The following ZC3H13 variants were observed in gnomAD, a reference collection of about 807,000 sequenced individuals.
ZC3H13 encodes the protein zinc finger CCCH domain-containing protein 13.
Under a neutral mutation model 204.1 loss-of-function variants are expected in ZC3H13, and 64 were observed. That is an observed-to-expected ratio of 0.31 (90% CI 0.26 to 0.39). ZC3H13 has a LOEUF of 0.39. Ranked by LOEUF, ZC3H13 falls within the 10% of genes least tolerant of loss-of-function variation. ZC3H13 has a pLI of 1.00. For synonymous variants in ZC3H13, 667 were observed against 693.7 expected, an observed-to-expected ratio of 0.96 and a Z score of 0.60; for missense variants, 1,833 against 2,082.7, an observed-to-expected ratio of 0.88 and a Z score of 2.33.
At chr13:45,963,295 G>A (rs1951823801) in intron 17 of ZC3H13, 1 of 986,680 alleles carries the variant, frequency 1.0e-6, no homozygotes, top group African/African-American at 1.7e-5. Context: ...TAGATGTCTA[G>A]GGGAAAGGGC....
At chr13:45,958,940 C>T (rs1247026088) in intron 18 of ZC3H13, among the ~76,000 whole-genome samples, 1 of 152,090 alleles carries the variant, frequency 6.6e-6, no homozygotes, top group Non-Finnish European at 1.5e-5. Context: ...AGGCATGAGC[C>T]ACCACGCCCG....
chr13:45,962,664 ATAGAG>A (rs1951774266), intron 17 of ZC3H13: 4 of 980,022 alleles, frequency 4.1e-6, no homozygotes, highest in Admixed American at 6.1e-5. Context: ...GCTTATGCTA[ATAGAG>A]TAAAGGAAGG....
rs144557594 is a variant in ZC3H13, at chr13:46,033,862, C to T, written c.339+8302G>A. Among the ~76,000 whole-genome samples the T allele has an allele frequency of 4.1e-4, 62 of 150,080 alleles. 1 individual carries two copies. Among genetic ancestry groups the T allele is most frequent in the East Asian group, 3.7e-3 (19 of 5,124 alleles). On this transcript the variant is annotated intron_variant, in intron 4 of 18. Coordinates refer to ENST00000679008, the MANE Select transcript of ZC3H13 (RefSeq NM_001330564.2). The stretch of plus-strand genomic sequence containing the variant: ...AGTTGAAAGACATTTTGAAAGACAC[C>T]ACAAAAAAAAATAAAAAGGCAGGCT...
chr13:45,975,526 T>C lies in ZC3H13; in HGVS notation c.2225A>G (p.Glu742Gly), dbSNP rs768746555. ...TTCCCGTTCTTTTTCCCTGTCTCGT[T>C]CCCTCTCTCTTTCCCGCTCTCGATC... ...DHDRERERER[E>G]RDREKERERE... is the part of the protein sequence containing the mutation. Residue 742 changes from glutamate (E) to glycine (G), a missense_variant, in exon 12 of 19, where the codon GAA becomes GGA. By Grantham distance (98) the Glu-to-Gly change is moderately conservative. Around this residue, in one of 5 missense-constraint regions of ZC3H13, gnomAD observed 1,574 missense variants for 1,757.2 expected, o/e 0.90. Transcript: ENST00000679008. The C allele has an allele frequency of 4.4e-6, 7 of 1,606,796 alleles. No homozygotes were observed. The highest frequency in any genetic ancestry group is 1.3e-5 in the African/African-American group (1 of 74,518).
intron 10 of ZC3H13, among the ~76,000 whole-genome samples, chr13:45,984,061 C>G (rs982542773): frequency 2.0e-5 from 3 of 152,202 alleles, no homozygotes; most frequent in African/African-American, 7.2e-5. Context: ...CACTTGCTGA[C>G]TTTATGGTAT....
At chr13:45,998,693 A>C (rs572785737) in intron 8 of ZC3H13, among the ~76,000 whole-genome samples, 1 of 152,238 alleles carries the variant, frequency 6.6e-6, no homozygotes, top group Non-Finnish European at 1.5e-5. Flanking sequence ...AAAATACTTT[A>C]TTGTTAAAGA....
At chr13:46,019,873 T>C (rs924911499) in intron 5 of ZC3H13, among the ~76,000 whole-genome samples, 2 of 152,158 alleles carry the variant, frequency 1.3e-5, no homozygotes, top group African/African-American at 4.8e-5. Context: ...GCAGGAGGAC[T>C]GCTTGACTTC....
At position 45,967,594 on chromosome 13, in the gene ZC3H13, C is replaced by A; in HGVS notation, c.4231G>T (p.Ala1411Ser). Residue 1411 changes from alanine to serine, a missense_variant, in exon 15 of 19, where the codon GCC (alanine) becomes TCC (serine). By Grantham distance (99) the Ala-to-Ser change is moderately conservative. Coordinates refer to ENST00000679008, the MANE Select transcript of ZC3H13 (RefSeq NM_001330564.2). ...TTATCCATTCTCTCTTTATCCAAGG[C>A]TAGAGAGTCTCGGGAAGTGCTTTCT... ...DLESTSRDSL[A>S]LDKERMDKDL... The A allele has an allele frequency of 6.2e-7, 1 of 1,613,772 alleles. No homozygotes were observed. Among genetic ancestry groups the A allele is most frequent in the East Asian group, 2.2e-5 (1 of 44,888 alleles).
At chr13:45,983,678 C>T (rs1020266430) in intron 10 of ZC3H13, among the ~76,000 whole-genome samples, 13 of 151,394 alleles carry the variant, frequency 8.6e-5, no homozygotes, top group Admixed American at 7.9e-4. Context: ...CCGCCCGCCT[C>T]GGCCTCCCAA....
chr13:46,005,660 T>A (rs919793504), intron 7 of ZC3H13, among the ~76,000 whole-genome samples: 1 of 152,134 alleles, frequency 6.6e-6, no homozygotes, highest in Non-Finnish European at 1.5e-5. Context: ...TGGCTAAATT[T>A]CATATTTTTG....
At chr13:45,959,360 AT>A in intron 18 of ZC3H13, 122 bp downstream of exon 18, 1 of 953,314 alleles carries the variant, frequency 1.0e-6, no homozygotes, top group Non-Finnish European at 1.4e-6. Flanking sequence ...TTTTACATGT[AT>A]AAAAGATTAG....
intron 6 of ZC3H13, 88 bp from the exon 7 acceptor site, chr13:46,010,593 C>T: frequency 7.2e-7 from 1 of 1,386,458 alleles, no homozygotes; most frequent in Admixed American, 2.1e-5. Context: ...CACCAAACTT[C>T]AGATTAAAAT....
intron 1 of ZC3H13, among the ~76,000 whole-genome samples, chr13:46,048,651 T>A (rs561527829): frequency 6.8e-6 from 1 of 147,800 alleles, no homozygotes; most frequent in African/African-American, 2.5e-5. Context: ...GACAATCAAG[T>A]GAAGACTAAT....
intron 11 of ZC3H13, among the ~76,000 whole-genome samples, chr13:45,976,659 T>C (rs922914126): frequency 5.9e-5 from 9 of 152,156 alleles, no homozygotes; most frequent in Non-Finnish European, 1.0e-4. Context: ...GCTGCCCAAA[T>C]ACCCAGTTGA....
rs149479330 is a variant in ZC3H13, at chr13:46,020,351, G to A, written c.448+98C>T. 5.4e-4 allele frequency: 460 copies of A among 848,410 alleles called. No homozygotes were observed. The African/African-American group carries it at 7.3e-3, about 13-fold the overall frequency. 52.6% of individuals were successfully genotyped at this position (848,410 alleles called of 1,614,324 possible). A position where few individuals can be genotyped will look rare whatever the true frequency, so the allele number is the denominator to read the frequency against. On this transcript the variant is annotated intron_variant, in intron 5 of 18. Transcript: ENST00000679008. ...TATGTCAATAAAATGATTCTGAAAC[G>A]AGAGGGATCACAGTCGAAAGGTGTT...
chr13:46,030,879 A>G (rs2042854199), intron 4 of ZC3H13, among the ~76,000 whole-genome samples: 1 of 152,182 alleles, frequency 6.6e-6, no homozygotes, highest in South Asian at 2.1e-4. Context: ...TTCTTCCCAA[A>G]TTAATAGATT....
intron 5 of ZC3H13, among the ~76,000 whole-genome samples, chr13:46,019,730 T>C (rs892789328): frequency 6.6e-6 from 1 of 152,146 alleles, no homozygotes; most frequent in Non-Finnish European, 1.5e-5. Context: ...ATCACAGGCA[T>C]GCACCACCAT....
intron 4 of ZC3H13, among the ~76,000 whole-genome samples, chr13:46,022,355 C>T (rs930094554): frequency 5.3e-5 from 8 of 151,814 alleles, no homozygotes; most frequent in African/African-American, 1.7e-4. Context: ...GAAGGTCTAG[C>T]TAATTTAAAA....
chr13:45,979,699 C>T (rs1338928381), intron 11 of ZC3H13, 114 bp downstream of exon 11: 17 of 1,061,208 alleles, frequency 1.6e-5, no homozygotes, highest in East Asian at 2.8e-5. Context: ...AATGTGTCAT[C>T]GAGCACAAGC....
Sources: allele counts gnomAD v4.1 joint callset (sites outside exome capture counted in the v4.1 genomes callset), GRCh38; gene constraint gnomAD v4.1.1; regional missense constraint gnomAD v4.1.1; transcripts MANE v1.5; gene names NCBI Gene and HGNC (gene_info 2026-07-23, HGNC 2026-07-21).